EPB41L4A: variants seen among roughly 807,000 people sequenced by gnomAD.
EPB41L4A encodes the protein erythrocyte membrane protein band 4.1 like 4A.
EPB41L4A carries 100 observed loss-of-function variants against 108.6 expected under a neutral mutation model. The ratio of observed to expected loss-of-function variants is 0.92; its 90% CI spans 0.78 to 1.09. The LOEUF is 1.09. Ranked by LOEUF, EPB41L4A falls within the 50% of genes least tolerant of loss-of-function variation. The pLI, the probability that EPB41L4A is intolerant of heterozygous loss-of-function variation, is 0.00. For synonymous variants in EPB41L4A, 319 were observed against 289.0 expected (o/e 1.10, Z -1.05); for missense variants, 1,030 against 842.7 (o/e 1.22, Z -2.75).
intron 1 of EPB41L4A, among the ~76,000 whole-genome samples, chr5:112,345,822 C>CGT (rs1757625767): frequency 1.4e-5 from 2 of 146,490 alleles, no homozygotes; most frequent in African/African-American, 5.1e-5. Context: ...CACACACACA[C>CGT]GCACACATAA....
chr5:112,264,788 T>A, intron 6 of EPB41L4A, 108 bp downstream of exon 6: 1 of 1,101,596 alleles, frequency 9.1e-7, no homozygotes. Context: ...AGTATTAGAA[T>A]ATTAAATGCA....
Position 112,303,606 on chromosome 5 carries a change from G to A in EPB41L4A, c.204+3780C>T, listed in dbSNP as rs75365200. Among the ~76,000 whole-genome samples, 1,302 of 152,200 alleles carry A rather than the reference G, an allele frequency of 8.6e-3. 8 individuals are homozygous for A. Among genetic ancestry groups the A allele is most frequent in the Non-Finnish European group, 0.014 (919 of 67,984 alleles). On this transcript the variant is annotated intron_variant, in intron 2 of 22. Coordinates refer to ENST00000261486, the MANE Select transcript of EPB41L4A (RefSeq NM_022140.5). Reference sequence around the variant, plus strand: ...AAACAAAAAGAATATAGTGCCAGAAGAACAAAATGAGAAGATTTCAAGAAT... The same window carrying A: ...AAACAAAAAGAATATAGTGCCAGAAAAACAAAATGAGAAGATTTCAAGAAT...
intron 1 of EPB41L4A, among the ~76,000 whole-genome samples, chr5:112,344,848 G>A (rs1415239053): frequency 6.6e-6 from 1 of 152,210 alleles, no homozygotes; most frequent in African/African-American, 2.4e-5. Context: ...TTCTCTGGTA[G>A]AAGTAGACTG....
chr5:112,328,294 G>C (rs1417226186), intron 1 of EPB41L4A, among the ~76,000 whole-genome samples: 2 of 151,920 alleles, frequency 1.3e-5, no homozygotes, highest in African/African-American at 4.8e-5. Flanking sequence ...TGGTGACACG[G>C]CGAGACTCCG....
chr5:112,350,001 G>A (rs981245573), intron 1 of EPB41L4A, among the ~76,000 whole-genome samples: 2 of 152,226 alleles, frequency 1.3e-5, no homozygotes, highest in Non-Finnish European at 2.9e-5. Flanking sequence ...ACAGCATGGT[G>A]TAGAACAGCA....
chr5:112,301,506 T>G (rs1754361301), intron 2 of EPB41L4A, among the ~76,000 whole-genome samples: 1 of 152,186 alleles, frequency 6.6e-6, no homozygotes, highest in South Asian at 2.1e-4. Flanking sequence ...TGAACCATCT[T>G]CATGTCTCTC....
chr5:112,278,778 G>T (rs1752769791), intron 3 of EPB41L4A, among the ~76,000 whole-genome samples: 1 of 151,324 alleles, frequency 6.6e-6, no homozygotes, highest in Non-Finnish European at 1.5e-5. Context: ...AATTGGCTGG[G>T]TGCAATGGCT....
At chr5:112,221,531 C>T (rs1177010745) in intron 12 of EPB41L4A, among the ~76,000 whole-genome samples, 1 of 152,192 alleles carries the variant, frequency 6.6e-6, no homozygotes, top group Non-Finnish European at 1.5e-5. Context: ...TAGTGCACAG[C>T]TGGATTAAAT....
rs184946857 is a variant in EPB41L4A at position 112,267,152 on chromosome 5, G to T, written c.336-822C>A. Among the ~76,000 whole-genome samples, 310 of 152,220 alleles carry T rather than the reference G, an allele frequency of 2.0e-3. 7 individuals carry two copies. The highest frequency in any genetic ancestry group is 0.014 in the East Asian group (73 of 5,176). ...TCTGCTAGTGGACTGAGAGGGGCCAGAGGTTTATGAACCAACATAATTAAC... is the reference window on the plus strand; with the variant it reads ...TCTGCTAGTGGACTGAGAGGGGCCATAGGTTTATGAACCAACATAATTAAC... On this transcript the variant is annotated intron_variant, in intron 4 of 22. Transcript: ENST00000261486.
chr5:112,396,086 CTG>C (rs779181584), intron 1 of EPB41L4A, among the ~76,000 whole-genome samples: 1 of 152,006 alleles, frequency 6.6e-6, no homozygotes, highest in Non-Finnish European at 1.5e-5. Context: ...ACATCACCCA[CTG>C]GGGCCTGTCG....
At chr5:112,377,093 T>C (rs1759867727) in intron 1 of EPB41L4A, among the ~76,000 whole-genome samples, 1 of 151,592 alleles carries the variant, frequency 6.6e-6, no homozygotes, top group Non-Finnish European at 1.5e-5. Context: ...TGGTCCCAGC[T>C]CCTCAGGAGG....
intron 18 of EPB41L4A, among the ~76,000 whole-genome samples, chr5:112,179,718 T>C (rs755110654): frequency 1.7e-4 from 26 of 152,278 alleles, no homozygotes; most frequent in Admixed American, 9.8e-4. Flanking sequence ...ATGTGACATA[T>C]TGAATGCTCT....
intron 1 of EPB41L4A, among the ~76,000 whole-genome samples, chr5:112,321,312 A>T (rs756288412): frequency 2.6e-5 from 4 of 152,176 alleles, no homozygotes; most frequent in Admixed American, 6.5e-5. Flanking sequence ...TTTTCTTCTC[A>T]CCTTTCCTGC....
chr5:112,418,015 A>G (rs1762808859), intron 1 of EPB41L4A, among the ~76,000 whole-genome samples: 1 of 152,052 alleles, frequency 6.6e-6, no homozygotes, highest in Non-Finnish European at 1.5e-5. Flanking sequence ...CCTGAACTCG[A>G]TTTCTCAGAA....
chr5:112,184,430 G>A (rs964254190), intron 17 of EPB41L4A, among the ~76,000 whole-genome samples: 4 of 152,000 alleles, frequency 2.6e-5, no homozygotes, highest in Non-Finnish European at 4.4e-5. Flanking sequence ...TCTAAGTTTC[G>A]ACTAAAGAAA....
chr5:112,242,296 C>G (rs948294490), intron 9 of EPB41L4A, among the ~76,000 whole-genome samples: 4 of 152,136 alleles, frequency 2.6e-5, no homozygotes, highest in African/African-American at 7.2e-5. Flanking sequence ...ATTTTAAATC[C>G]TTTGTTGTCA....
At chr5:112,406,929 C>T (rs6594595) in intron 1 of EPB41L4A, among the ~76,000 whole-genome samples, 144,734 of 152,144 alleles carry the variant, frequency 0.95, 68,995 homozygotes, top group Middle Eastern at 0.98. Flanking sequence ...ATAACTGAAA[C>T]CCACTCTGTT....
intron 12 of EPB41L4A, among the ~76,000 whole-genome samples, chr5:112,213,118 A>T (rs1747332925): frequency 6.6e-6 from 1 of 152,204 alleles, no homozygotes; most frequent in African/African-American, 2.4e-5. Context: ...TTTCAGGAAA[A>T]AAAAATCATG....
intron 9 of EPB41L4A, among the ~76,000 whole-genome samples, chr5:112,258,222 G>A: frequency 6.6e-6 from 1 of 152,200 alleles, no homozygotes; most frequent in East Asian, 1.9e-4. Flanking sequence ...GCAGCACACA[G>A]TGTCTCAGTG....
Sources: allele counts gnomAD v4.1 joint callset (sites outside exome capture counted in the v4.1 genomes callset), GRCh38; gene constraint gnomAD v4.1.1; transcripts MANE v1.5; gene names NCBI Gene and HGNC (gene_info 2026-07-23, HGNC 2026-07-21).